KLF12: variants seen among roughly 807,000 people sequenced by gnomAD.
KLF12 encodes the protein Krueppel-like factor 12.
In KLF12, 9 loss-of-function variants were observed where a neutral mutation model predicts 37.8. The ratio of observed to expected loss-of-function variants is 0.24; its 90% CI spans 0.14 to 0.42. KLF12 has a LOEUF of 0.42. KLF12 is among the 10% of genes least tolerant of loss of function. KLF12 has a pLI of 1.00. For synonymous variants in KLF12, 208 were observed against 202.1 expected, an observed-to-expected ratio of 1.03 and a Z score of -0.25; for missense variants, 411 against 516.0, an observed-to-expected ratio of 0.80 and a Z score of 1.97.
chr13:73,909,512 G>T (rs1888472012), intron 3 of KLF12, among the ~76,000 whole-genome samples: 1 of 152,082 alleles, frequency 6.6e-6, no homozygotes, highest in Admixed American at 6.5e-5. Flanking sequence ...CTTCAATGAT[G>T]CTTAATATGG....
chr13:74,277,918 T>C, the KLF12 span, among the ~76,000 whole-genome samples: 117,181 of 152,084 alleles, frequency 0.77, 45,404 homozygotes, highest in South Asian at 0.88. Context: ...CACATCTACC[T>C]TTCCACATGC....
chr13:73,710,378 CTGTGTGTGTG>C (rs59799453), intron 7 of KLF12, among the ~76,000 whole-genome samples: 9,314 of 143,964 alleles, frequency 0.065, 288 homozygotes, highest in South Asian at 0.13. Context: ...AAGATATTGT[CTGTGTGTGTG>C]TGTGTGTGTG....
the KLF12 span, among the ~76,000 whole-genome samples, chr13:74,216,962 T>A: frequency 3.9e-5 from 6 of 152,336 alleles, no homozygotes; most frequent in African/African-American, 9.6e-5. Flanking sequence ...TCTTGAGAAT[T>A]ATTTTATTTA....
chr13:74,218,029 T>C, the KLF12 span, among the ~76,000 whole-genome samples: 1 of 152,184 alleles, frequency 6.6e-6, no homozygotes, highest in Non-Finnish European at 1.5e-5. Flanking sequence ...AGCTGTGGGC[T>C]TATATGGCAG....
intron 6 of KLF12, among the ~76,000 whole-genome samples, chr13:73,751,053 C>A (rs193268133): frequency 6.6e-6 from 1 of 152,118 alleles, no homozygotes; most frequent in African/African-American, 2.4e-5. Flanking sequence ...GTAGGCATGG[C>A]AATGATTGGA....
At chr13:74,175,350 C>T in the KLF12 span, among the ~76,000 whole-genome samples, 1 of 152,172 alleles carries the variant, frequency 6.6e-6, no homozygotes, top group Non-Finnish European at 1.5e-5. Flanking sequence ...ACATGTATGT[C>T]CCACTGTCCT....
chr13:74,131,226 T>A (rs995255077), intron 1 of KLF12, among the ~76,000 whole-genome samples: 1 of 152,320 alleles, frequency 6.6e-6, no homozygotes, highest in African/African-American at 2.4e-5. Context: ...CTGGAGCCTG[T>A]TAAAGTGCAT....
At chr13:74,221,091 G>T in the KLF12 span, among the ~76,000 whole-genome samples, 2 of 149,894 alleles carry the variant, frequency 1.3e-5, no homozygotes, top group Non-Finnish European at 3.0e-5. Context: ...TGCAAGCTCC[G>T]CCTCCCGGGT....
intron 1 of KLF12, among the ~76,000 whole-genome samples, chr13:73,997,538 G>C (rs1376260258): frequency 6.6e-6 from 1 of 152,066 alleles, no homozygotes; most frequent in African/African-American, 2.4e-5. Context: ...TCATGCTAAG[G>C]GGCCTTTAGT....
chr13:74,015,955 T>TATGGACATAAAAG (rs1476657753), intron 1 of KLF12, among the ~76,000 whole-genome samples: 3 of 152,166 alleles, frequency 2.0e-5, no homozygotes, highest in Non-Finnish European at 4.4e-5. Context: ...GCATTAGAGA[T>TATGGACATAAAAG]ATGGACATAA....
At chr13:73,922,709 T>G (rs1421448649) in intron 3 of KLF12, among the ~76,000 whole-genome samples, 1 of 152,184 alleles carries the variant, frequency 6.6e-6, no homozygotes, top group Non-Finnish European at 1.5e-5. Context: ...GAACACTGAC[T>G]GGGAGCACAC....
chr13:74,124,585 T>G (rs1012494277), intron 1 of KLF12, among the ~76,000 whole-genome samples: 1 of 152,204 alleles, frequency 6.6e-6, no homozygotes, highest in Non-Finnish European at 1.5e-5. Flanking sequence ...TTTAAAGTTG[T>G]ATTCATCAGT....
At position 74,123,345 on chromosome 13, in the gene KLF12, G is replaced by A. The variant is rs1006615176; in HGVS notation, c.-32+10394C>T. On this transcript the variant is annotated intron_variant, in intron 1 of 7. Transcript: ENST00000377669. ...ATTAAAAGTACTCCAAAGAGACTAC[G>A]GCATAAATCTAAAAATATCCAGGGT... 3.9e-5 allele frequency among the ~76,000 whole-genome samples: 6 copies of A among 152,060 alleles called. No individual in the cohort carries two copies. In the South Asian group the frequency reaches 1.0e-3, roughly 26 times the overall value.
chr13:73,945,598 T>A (rs1445092243), intron 2 of KLF12, among the ~76,000 whole-genome samples: 1 of 151,636 alleles, frequency 6.6e-6, no homozygotes, highest in African/African-American at 2.4e-5. Flanking sequence ...TTCTTTTTGT[T>A]AAGAAAAATG....
At chr13:73,993,561 T>A (rs1892028835) in intron 2 of KLF12, among the ~76,000 whole-genome samples, 1 of 152,236 alleles carries the variant, frequency 6.6e-6, no homozygotes, top group Admixed American at 6.5e-5. Context: ...CAACATCATT[T>A]CTAAAGGAAA....
At chr13:74,065,317 A>T (rs1873851065) in intron 1 of KLF12, among the ~76,000 whole-genome samples, 1 of 152,178 alleles carries the variant, frequency 6.6e-6, no homozygotes, top group Non-Finnish European at 1.5e-5. Flanking sequence ...AATTTAAAAC[A>T]GCAAATCATG....
intron 1 of KLF12, among the ~76,000 whole-genome samples, chr13:74,032,841 A>T (rs1192150469): frequency 3.3e-5 from 5 of 152,340 alleles, no homozygotes; most frequent in African/African-American, 1.2e-4. Flanking sequence ...ACCAATAAAA[A>T]GAAAATCACC....
rs139190023 is a variant in KLF12 at position 73,953,090 on chromosome 13, T to C, written c.34-9020A>G. 2.0e-5 allele frequency among the ~76,000 whole-genome samples: 3 copies of C among 152,170 alleles called. No homozygotes were observed. The East Asian group carries it at 5.8e-4, about 29-fold the overall frequency. ...ACTAAGGTTAAGACAGGAAACCAAATAGGAAAAGAAAACCATGTCACAATC... is the reference window on the plus strand; with the variant it reads ...ACTAAGGTTAAGACAGGAAACCAAACAGGAAAAGAAAACCATGTCACAATC... On this transcript the variant is annotated intron_variant, in intron 2 of 7. Coordinates refer to ENST00000377669, the MANE Select transcript of KLF12 (RefSeq NM_007249.5).
the KLF12 span, among the ~76,000 whole-genome samples, chr13:74,225,286 C>G: frequency 3.1e-3 from 467 of 152,238 alleles, 3 homozygotes; most frequent in African/African-American, 0.011. Context: ...ATACTCAAGA[C>G]TAGAATGCCA....
Sources: allele counts gnomAD v4.1 joint callset (sites outside exome capture counted in the v4.1 genomes callset), GRCh38; gene constraint gnomAD v4.1.1; transcripts MANE v1.5; gene names NCBI Gene and HGNC (gene_info 2026-07-23, HGNC 2026-07-21).